Variants in PRKACB observed in about 807,000 individuals in gnomAD.
PRKACB encodes the protein protein kinase cAMP-activated catalytic subunit beta, also known as cAMP-dependent protein kinase catalytic subunit beta.
PRKACB carries 16 observed loss-of-function variants against 51.4 expected under a neutral mutation model. That is an observed-to-expected ratio of 0.31 (90% CI 0.21 to 0.47). The LOEUF (loss-of-function observed/expected upper bound fraction) is 0.47, where lower values mean the gene tolerates loss of function less well. Among genes scored for constraint, PRKACB ranks in the 20% least tolerant of loss-of-function variants. The pLI is 1.00. For synonymous variants in PRKACB, 147 were observed against 154.4 expected (o/e 0.95, Z 0.35); for missense variants, 309 against 464.5 (o/e 0.67, Z 3.08).
chr1:84,106,499 A>C (rs140731724), intron 1 of PRKACB, among the ~76,000 whole-genome samples: 11 of 152,272 alleles, frequency 7.2e-5, no homozygotes, highest in Admixed American at 7.2e-4. Context: ...ATATAATCTC[A>C]TTCCCAATTC....
intron 1 of PRKACB, among the ~76,000 whole-genome samples, chr1:84,096,181 A>C (rs1648913657): frequency 6.6e-6 from 1 of 151,930 alleles, no homozygotes; most frequent in Non-Finnish European, 1.5e-5. Flanking sequence ...CTATCGATGG[A>C]GCCTTTCAGT....
chr1:84,219,773 A>G (rs887211445), intron 9 of PRKACB, among the ~76,000 whole-genome samples: 3 of 151,626 alleles, frequency 2.0e-5, no homozygotes, highest in Non-Finnish European at 2.9e-5. Context: ...ATGTGGATTT[A>G]TTTATGGGTT....
intron 1 of PRKACB, among the ~76,000 whole-genome samples, chr1:84,132,113 G>A (rs1202840016): frequency 6.6e-6 from 1 of 152,032 alleles, no homozygotes; most frequent in Non-Finnish European, 1.5e-5. Context: ...GTATACCACT[G>A]GAGAAAAGCC....
chr1:84,216,293 T>C (rs1672867108), intron 9 of PRKACB, among the ~76,000 whole-genome samples: 2 of 152,106 alleles, frequency 1.3e-5, no homozygotes, highest in Admixed American at 1.3e-4. Context: ...GAGCTGTGAT[T>C]ATGCCACTGC....
At chr1:84,204,568 C>G in intron 8 of PRKACB, 3 of 1,557,150 alleles carry the variant, frequency 1.9e-6, no homozygotes, top group South Asian at 2.4e-5. Context: ...GAAGTGTAGA[C>G]TCTCAAGAGG....
intron 5 of PRKACB, among the ~76,000 whole-genome samples, chr1:84,192,257 A>T (rs982679270): frequency 1.3e-5 from 2 of 152,154 alleles, no homozygotes; most frequent in African/African-American, 4.8e-5. Flanking sequence ...AATATACTGG[A>T]ATAGACAAAG....
chr1:84,209,674 C>G (rs1412571518), intron 8 of PRKACB, among the ~76,000 whole-genome samples: 1 of 152,124 alleles, frequency 6.6e-6, no homozygotes, highest in Non-Finnish European at 1.5e-5. Context: ...CCTTACTATG[C>G]AAAGTTTCAT....
chr1:84,224,947 G>A (rs1326005001), intron 9 of PRKACB, among the ~76,000 whole-genome samples: 1 of 152,190 alleles, frequency 6.6e-6, no homozygotes, highest in East Asian at 1.9e-4. Context: ...CCACTGGACA[G>A]CATATTTTGA....
At chr1:84,228,955 C>T (rs1041591634) in intron 9 of PRKACB, among the ~76,000 whole-genome samples, 3 of 150,964 alleles carry the variant, frequency 2.0e-5, no homozygotes, top group Admixed American at 2.0e-4. Flanking sequence ...TTATACTTTA[C>T]GTTTTAGGGT....
chr1:84,086,078 G>A (rs1647959220), intron 1 of PRKACB: 4 of 1,237,186 alleles, frequency 3.2e-6, no homozygotes, highest in Non-Finnish European at 2.4e-6. Context: ...GATGGCCAAG[G>A]TGTATATTGA....
chr1:84,190,002 T>C (rs1666276856), intron 5 of PRKACB, among the ~76,000 whole-genome samples: 1 of 151,946 alleles, frequency 6.6e-6, no homozygotes, highest in African/African-American at 2.4e-5. Flanking sequence ...CTTTCATTTT[T>C]CCAAACCCCC....
chr1:84,222,805 GT>G (rs1040992286), intron 9 of PRKACB, among the ~76,000 whole-genome samples: 16 of 152,198 alleles, frequency 1.1e-4, no homozygotes, highest in African/African-American at 3.9e-4. Flanking sequence ...GGCAGGGTTT[GT>G]TTTTTTCCTT....
chr1:84,214,468 C>T lies in PRKACB; in HGVS notation c.1071+151C>T, dbSNP rs540690326. The T allele has an allele frequency of 1.2e-4, 81 of 690,160 alleles. No individual in the cohort carries two copies. The South Asian group carries it at 2.8e-3, about 24-fold the overall frequency. 42.8% of individuals were successfully genotyped at this position (690,160 alleles called of 1,614,324 possible). On this transcript the variant is annotated intron_variant, in intron 9 of 9. Coordinates refer to ENST00000370685, the MANE Select transcript of PRKACB (RefSeq NM_182948.4). Reference sequence around the variant, plus strand: ...ATCTAAAGTACTTTACAGCCCATAACTTAAAAATGAGTTTCCCCCTAGAAT... The same window carrying T: ...ATCTAAAGTACTTTACAGCCCATAATTTAAAAATGAGTTTCCCCCTAGAAT...
chr1:84,202,628 C>A, intron 7 of PRKACB, 55 bp from the exon 8 acceptor site: 3 of 1,504,790 alleles, frequency 2.0e-6, no homozygotes, highest in African/African-American at 2.8e-5. Context: ...TCTTTGACTT[C>A]ATTCTCTTTT....
At chr1:84,200,028 G>A (rs1669624455) in intron 7 of PRKACB, among the ~76,000 whole-genome samples, 3 of 151,926 alleles carry the variant, frequency 2.0e-5, no homozygotes, top group African/African-American at 7.3e-5. Flanking sequence ...GTATTTTTTA[G>A]TAGAGACAGG....
intron 1 of PRKACB, among the ~76,000 whole-genome samples, chr1:84,146,921 G>T (rs1654173908): frequency 6.6e-6 from 1 of 151,972 alleles, no homozygotes; most frequent in African/African-American, 2.4e-5. Flanking sequence ...ACAGCTAATT[G>T]CATGCACATA....
intron 9 of PRKACB, among the ~76,000 whole-genome samples, chr1:84,219,085 C>A (rs1175040619): frequency 6.6e-6 from 1 of 152,164 alleles, no homozygotes; most frequent in Non-Finnish European, 1.5e-5. Flanking sequence ...TCCCATTCAA[C>A]AGGTTGTCTC....
chr1:84,169,310 G>A (rs1241568052), intron 1 of PRKACB, among the ~76,000 whole-genome samples: 1 of 151,540 alleles, frequency 6.6e-6, no homozygotes, highest in Admixed American at 6.6e-5. Flanking sequence ...CATGGAGTTA[G>A]TGAACTAAGA....
chr1:84,127,147 A>G (rs1651690055), intron 1 of PRKACB, among the ~76,000 whole-genome samples: 1 of 152,188 alleles, frequency 6.6e-6, no homozygotes, highest in South Asian at 2.1e-4. Context: ...ACAGCTGTGT[A>G]TGTTACCTGA....
Sources: gnomAD v4.1 joint callset for allele counts (sites outside exome capture counted in the v4.1 genomes callset) on GRCh38, gnomAD v4.1.1 for gene constraint, MANE v1.5 for transcripts, NCBI Gene and HGNC (gene_info 2026-07-23, HGNC 2026-07-21) for gene names.